TP63: variants seen among roughly 807,000 people sequenced by gnomAD.
The protein encoded by TP63 is tumor protein p63.
TP63 carries 17 observed loss-of-function variants against 82.8 expected under a neutral mutation model. That is an observed-to-expected ratio of 0.21 (90% CI 0.14 to 0.31). The LOEUF (loss-of-function observed/expected upper bound fraction) is 0.31. Ranked by LOEUF, TP63 falls within the 10% of genes least tolerant of loss-of-function variation. The probability of loss-of-function intolerance (pLI) is 1.00; values close to 1 mark genes in which losing one functional copy is unlikely to be tolerated. For synonymous variants in TP63, 330 were observed against 321.7 expected, an observed-to-expected ratio of 1.03 and a Z score of -0.28; for missense variants, 648 against 895.3, an observed-to-expected ratio of 0.72 and a Z score of 3.52.
chr3:189,730,702 C>T (rs1315359668), intron 1 of TP63, among the ~76,000 whole-genome samples: 1 of 152,140 alleles, frequency 6.6e-6, no homozygotes. Flanking sequence ...CCAGTTTGAT[C>T]ACAGTTGGTG....
the TP63 span, among the ~76,000 whole-genome samples, chr3:189,617,601 G>A: frequency 6.6e-6 from 1 of 152,114 alleles, no homozygotes; most frequent in Non-Finnish European, 1.5e-5. Context: ...ATATAATAAG[G>A]ATACTCTACT....
At chr3:189,893,071 T>C (rs1276064197) in intron 13 of TP63, among the ~76,000 whole-genome samples, 1 of 152,164 alleles carries the variant, frequency 6.6e-6, no homozygotes, top group East Asian at 1.9e-4. Context: ...GCATCATCAC[T>C]TCCTGGAAAA....
intron 3 of TP63, among the ~76,000 whole-genome samples, chr3:189,785,246 G>A (rs140064161): frequency 1.3e-5 from 2 of 151,898 alleles, no homozygotes; most frequent in Non-Finnish European, 2.9e-5. Flanking sequence ...ATCTCTCTGT[G>A]TCCGTCTCAT....
chr3:189,852,998 A>T (rs1715844308), intron 4 of TP63, among the ~76,000 whole-genome samples: 1 of 152,126 alleles, frequency 6.6e-6, no homozygotes, highest in Non-Finnish European at 1.5e-5. Context: ...GTGAATAATA[A>T]CTTCTTTTTT....
At chr3:189,860,423 G>C (rs1384697251) in intron 4 of TP63, among the ~76,000 whole-genome samples, 1 of 152,140 alleles carries the variant, frequency 6.6e-6, no homozygotes, top group Non-Finnish European at 1.5e-5. Context: ...CTAAGGACTT[G>C]TTTATACACA....
intron 4 of TP63, among the ~76,000 whole-genome samples, chr3:189,813,507 C>T (rs1727807399): frequency 6.6e-6 from 1 of 152,090 alleles, no homozygotes; most frequent in Admixed American, 6.6e-5. Flanking sequence ...ATTGGCCTCA[C>T]ACACCTTTGC....
intron 1 of TP63, among the ~76,000 whole-genome samples, chr3:189,710,776 G>C (rs1157052740): frequency 6.6e-6 from 1 of 152,146 alleles, no homozygotes; most frequent in Non-Finnish European, 1.5e-5. Context: ...TGGGTTGCCA[G>C]ATTTCCTGCT....
At chr3:189,887,075 G>A (rs1218974596) in intron 11 of TP63, among the ~76,000 whole-genome samples, 2 of 151,876 alleles carry the variant, frequency 1.3e-5, no homozygotes, top group African/African-American at 4.8e-5. Context: ...TGAGCCTGGT[G>A]GTGCATGCCT....
chr3:189,817,861 T>TA (rs1429309139), intron 4 of TP63, among the ~76,000 whole-genome samples: 5 of 151,902 alleles, frequency 3.3e-5, no homozygotes, highest in African/African-American at 9.7e-5. Context: ...GCAGAACCAG[T>TA]AAAAAGTTTT....
intron 1 of TP63, among the ~76,000 whole-genome samples, chr3:189,662,188 G>A (rs1483170164): frequency 2.0e-5 from 3 of 151,830 alleles, no homozygotes; most frequent in Admixed American, 2.0e-4. Context: ...CTAACTTTTC[G>A]AGGTAAGTGT....
At chr3:189,797,875 A>C (rs1404711782) in intron 3 of TP63, among the ~76,000 whole-genome samples, 1 of 152,052 alleles carries the variant, frequency 6.6e-6, no homozygotes, top group East Asian at 1.9e-4. Context: ...CTCCAGGTCA[A>C]ATCCTTTCCA....
chr3:189,624,893 A>AG, the TP63 span, among the ~76,000 whole-genome samples: 1 of 152,186 alleles, frequency 6.6e-6, no homozygotes, highest in Non-Finnish European at 1.5e-5. Context: ...CACCAGGATG[A>AG]GTAGCAATAA....
intron 3 of TP63, among the ~76,000 whole-genome samples, chr3:189,749,151 C>CA (rs111879620): frequency 0.029 from 4,334 of 148,178 alleles, 77 homozygotes; most frequent in Admixed American, 0.053. Flanking sequence ...AAAGAACAGA[C>CA]AAAAAAAAAT....
At position 189,849,946 on chromosome 3, in the gene TP63, G is replaced by A. The variant is rs188831240; in HGVS notation, c.580-14286G>A. Among the ~76,000 whole-genome samples the A allele has an allele frequency of 2.6e-5, 4 of 152,274 alleles. No individual in the cohort carries two copies. In the East Asian group the frequency reaches 7.7e-4, roughly 29 times the overall value. On this transcript the variant is annotated intron_variant, in intron 4 of 13. Transcript: ENST00000264731. ...GTCTGTAACAAGTTTACAGGTTGGT[G>A]CTACTCATAATAATTTATGTATTAA...
the TP63 span, among the ~76,000 whole-genome samples, chr3:189,614,122 A>G: frequency 1.6e-4 from 24 of 152,060 alleles, no homozygotes; most frequent in African/African-American, 5.8e-4. Context: ...GGGCAGTATG[A>G]TATGGTTTGG....
At chr3:189,762,673 T>C (rs1407423542) in intron 3 of TP63, among the ~76,000 whole-genome samples, 1 of 152,158 alleles carries the variant, frequency 6.6e-6, no homozygotes, top group Non-Finnish European at 1.5e-5. Flanking sequence ...CTCATGAAAA[T>C]CTCTTCCTTG....
intron 10 of TP63, among the ~76,000 whole-genome samples, chr3:189,876,714 T>A (rs950639258): frequency 2.6e-5 from 4 of 152,218 alleles, no homozygotes; most frequent in Non-Finnish European, 5.9e-5. Context: ...TCTATATAAA[T>A]CCTTCAGTTG....
chr3:189,708,155 C>T (rs768818899), intron 1 of TP63, among the ~76,000 whole-genome samples: 40 of 152,140 alleles, frequency 2.6e-4, no homozygotes, highest in Non-Finnish European at 5.3e-4. Flanking sequence ...TCTTTTAAAG[C>T]AGCCTTGACA....
At chr3:189,714,034 C>T (rs1718784000) in intron 1 of TP63, among the ~76,000 whole-genome samples, 1 of 152,112 alleles carries the variant, frequency 6.6e-6, no homozygotes. Context: ...AACCTAAAAG[C>T]AATTTAGACA....
Sources: gnomAD v4.1 joint callset for allele counts (sites outside exome capture counted in the v4.1 genomes callset) on GRCh38, gnomAD v4.1.1 for gene constraint, MANE v1.5 for transcripts, NCBI Gene and HGNC (gene_info 2026-07-23, HGNC 2026-07-21) for gene names.